ZFHX4: variants seen among roughly 807,000 people sequenced by gnomAD.
ZFHX4 encodes zinc finger homeobox protein 4.
Under a neutral mutation model 267.6 loss-of-function variants are expected in ZFHX4, and 56 were observed. That is an observed-to-expected ratio of 0.21 (90% CI 0.17 to 0.26). ZFHX4 has a LOEUF of 0.26. ZFHX4 is among the 10% of genes least tolerant of loss of function. The pLI is 1.00. For missense variants in ZFHX4, 4,332 were observed against 4,420.0 expected (o/e 0.98, Z 0.56); for synonymous variants, 1,778 against 1,665.6 (o/e 1.07, Z -1.64).
At chr8:76,795,649 C>T (rs1392406160) in intron 4 of ZFHX4, among the ~76,000 whole-genome samples, 1 of 150,416 alleles carries the variant, frequency 6.6e-6, no homozygotes, top group African/African-American at 2.5e-5. Flanking sequence ...CAGGTTCAAG[C>T]AATTCTCCTG....
intron 4 of ZFHX4, among the ~76,000 whole-genome samples, chr8:76,828,533 C>A (rs7823994): frequency 0.019 from 2,961 of 152,280 alleles, 78 homozygotes; most frequent in African/African-American, 0.062. Context: ...AGGATACATG[C>A]CTAGCACCTA....
intron 6 of ZFHX4, among the ~76,000 whole-genome samples, chr8:76,843,759 G>A (rs552316193): frequency 6.6e-6 from 1 of 152,240 alleles, no homozygotes; most frequent in East Asian, 1.9e-4. Context: ...TATTCACTAT[G>A]AAGACATTGG....
intron 3 of ZFHX4, among the ~76,000 whole-genome samples, chr8:76,750,195 G>T (rs1308530128): frequency 1.3e-5 from 2 of 152,088 alleles, no homozygotes; most frequent in Non-Finnish European, 2.9e-5. Context: ...AGCTTTCCCT[G>T]AGGATGTCTC....
chr8:76,806,861 G>C (rs1274970766), intron 4 of ZFHX4, among the ~76,000 whole-genome samples: 1 of 152,032 alleles, frequency 6.6e-6, no homozygotes, highest in South Asian at 2.1e-4. Flanking sequence ...TGATAAGGAA[G>C]TGTTAAATTA....
intron 5 of ZFHX4, among the ~76,000 whole-genome samples, chr8:76,838,717 A>G (rs1436854660): frequency 6.6e-6 from 1 of 152,160 alleles, no homozygotes; most frequent in Non-Finnish European, 1.5e-5. Flanking sequence ...CTTTCGTAGC[A>G]GACTTAGAGG....
At chr8:76,753,290 A>T (rs1321601396) in intron 3 of ZFHX4, among the ~76,000 whole-genome samples, 3 of 152,182 alleles carry the variant, frequency 2.0e-5, no homozygotes, top group Non-Finnish European at 2.9e-5. Context: ...ATGACACAAG[A>T]TGTTGCCTGT....
intron 4 of ZFHX4, among the ~76,000 whole-genome samples, chr8:76,824,781 C>A (rs541745213): frequency 6.6e-6 from 1 of 152,030 alleles, no homozygotes; most frequent in African/African-American, 2.4e-5. Flanking sequence ...CCTTTGTTGC[C>A]AGGCTGCTCT....
Position 76,849,725 on chromosome 8 carries a change from A to G in ZFHX4, c.3846+13A>G. 1 of 1,605,456 alleles carries G rather than the reference A, an allele frequency of 6.2e-7. No individual in the cohort carries two copies. ...GCTGCTTATGACAGTAAGGATACCA[A>G]ATATTGATGCATGTGTGACATAATC... On this transcript the variant is annotated intron_variant, in intron 8 of 10. Coordinates refer to ENST00000651372, the MANE Select transcript of ZFHX4 (RefSeq NM_024721.5).
rs368939586 is a variant in ZFHX4, at chr8:76,853,846, A to G, written c.6925A>G (p.Asn2309Asp). 1.4e-5 allele frequency: 22 copies of G among 1,613,842 alleles called. No individual in the cohort carries two copies. The highest frequency in any genetic ancestry group is 1.8e-5 in the Non-Finnish European group (21 of 1,179,888). Reference protein sequence around the residue: ...LTNERYIRTSNMQYQCKKCNV... With the variant: ...LTNERYIRTSDMQYQCKKCNV... ...TAATGAACGGTACATTCGAACAAGCAACATGCAGTACCAGTGTAAAAAGTG... is the reference window on the plus strand; with the variant it reads ...TAATGAACGGTACATTCGAACAAGCGACATGCAGTACCAGTGTAAAAAGTG... The change falls in exon 10 of 11, where the codon AAC (asparagine) becomes GAC (aspartate). Residue 2309 changes from asparagine to aspartate, a missense_variant. Physicochemically the swap from Asn to Asp is conservative, Grantham distance 23. Around this residue, in one of 7 missense-constraint regions of ZFHX4, gnomAD observed 1,648 missense variants for 1,625.0 expected, o/e 1.01. Transcript: ENST00000651372.
chr8:76,850,900 G>T lies in ZFHX4; in HGVS notation c.3979G>T (p.Asp1327Tyr), dbSNP rs1410226777. The change falls in exon 10 of 11, where the codon GAT becomes TAT. Residue 1327 changes from aspartate (D) to tyrosine (Y), a missense_variant. By Grantham distance (160) the Asp-to-Tyr change is radical. Coordinates refer to ENST00000651372, the MANE Select transcript of ZFHX4 (RefSeq NM_024721.5). The part of the protein sequence containing the change: ...SGKYSGESPM[D>Y]DKSMAGLEDS... ...TTTCCTAATAGGTGAAAGTCCAATG[G>T]ATGACAAAAGCATGGCAGGTCTCGA... is the stretch of plus-strand genomic sequence containing the variant. The T allele has an allele frequency of 6.2e-7, 1 of 1,605,872 alleles. No homozygotes were observed. The highest frequency in any genetic ancestry group is 2.2e-5 in the East Asian group (1 of 44,700).
chr8:76,713,921 C>T (rs866360483), intron 3 of ZFHX4, among the ~76,000 whole-genome samples: 51 of 151,952 alleles, frequency 3.4e-4, no homozygotes, highest in African/African-American at 1.1e-3. Context: ...CCACCACCAC[C>T]GCCACGTACC....
chr8:76,762,879 G>C (rs1040881390), intron 3 of ZFHX4, among the ~76,000 whole-genome samples: 19 of 152,140 alleles, frequency 1.2e-4, no homozygotes, highest in African/African-American at 4.6e-4. Flanking sequence ...ATAAGGTCTT[G>C]ATAATAATGA....
At position 76,864,080 on chromosome 8, in the gene ZFHX4, A is replaced by T. The variant is rs1285288344; in HGVS notation, c.10366A>T (p.Ile3456Phe). ...TCAGTGTCTTGCCTGTGATGTGGCT[A>T]TCAGTGGGAATGAAGCACTTAGCCA... ...KYQCLACDVA[I>F]SGNEALSQHL... The change falls in exon 11 of 11, where the codon ATC (isoleucine) becomes TTC (phenylalanine). Residue 3456 changes from isoleucine to phenylalanine, a missense_variant. Around this residue, in one of 7 missense-constraint regions of ZFHX4, gnomAD observed 1,648 missense variants for 1,625.0 expected, o/e 1.01. Transcript: ENST00000651372. 6.2e-7 allele frequency: 1 copy of T among 1,613,858 alleles called. No individual in the cohort carries two copies. The highest frequency in any genetic ancestry group is 1.1e-5 in the South Asian group (1 of 91,076).
At chr8:76,832,818 A>T (rs1040394894) in intron 4 of ZFHX4, among the ~76,000 whole-genome samples, 2 of 152,182 alleles carry the variant, frequency 1.3e-5, no homozygotes, top group African/African-American at 4.8e-5. Context: ...TCTAAAGCTC[A>T]AATGAAAGAT....
chr8:76,812,348 C>T (rs1357027542), intron 4 of ZFHX4, among the ~76,000 whole-genome samples: 1 of 152,108 alleles, frequency 6.6e-6, no homozygotes, highest in Non-Finnish European at 1.5e-5. Context: ...GCTTGTGATA[C>T]CTGGGGTGAA....
rs551678593 is a variant in ZFHX4 at position 76,706,354 on chromosome 8, C to A, written c.2266C>A (p.Pro756Thr). The A allele has an allele frequency of 6.2e-7, 1 of 1,614,022 alleles. No homozygotes were observed. Among genetic ancestry groups the A allele is most frequent in the Non-Finnish European group, 8.5e-7 (1 of 1,179,928 alleles). The change falls in exon 2 of 11, where the codon CCC (proline) becomes ACC (threonine). Residue 756 changes from proline (P) to threonine (T), a missense_variant. This residue lies in a region of ZFHX4 where 1,195 missense variants were observed against 1,173.6 expected (regional missense o/e 1.02). Coordinates refer to ENST00000651372, the MANE Select transcript of ZFHX4 (RefSeq NM_024721.5). Reference sequence around the variant, plus strand: ...CACCAGCCTCAGTGGCTGCGGAACACCCTCTCCGTCCAAACCCAAACAGAA... The same window carrying A: ...CACCAGCCTCAGTGGCTGCGGAACAACCTCTCCGTCCAAACCCAAACAGAA... ...PNTSLSGCGT[P>T]SPSKPKQKPT...
intron 3 of ZFHX4, among the ~76,000 whole-genome samples, chr8:76,768,957 G>T (rs966254194): frequency 2.6e-5 from 4 of 152,158 alleles, no homozygotes; most frequent in African/African-American, 9.7e-5. Context: ...GTTGAGCTAG[G>T]TGTGGTGGTG....
intron 3 of ZFHX4, among the ~76,000 whole-genome samples, chr8:76,739,178 G>T (rs186883192): frequency 3.4e-4 from 52 of 152,224 alleles, no homozygotes; most frequent in African/African-American, 1.2e-3. Flanking sequence ...ACAGGGTTAG[G>T]ATACTTAGAA....
chr8:76,774,218 G>A (rs570068048), intron 3 of ZFHX4, among the ~76,000 whole-genome samples: 2 of 152,086 alleles, frequency 1.3e-5, no homozygotes, highest in Non-Finnish European at 2.9e-5. Context: ...GTGGTAAGAC[G>A]TTTGTGATTG....
Sources: allele counts gnomAD v4.1 joint callset (sites outside exome capture counted in the v4.1 genomes callset), GRCh38; gene constraint gnomAD v4.1.1; regional missense constraint gnomAD v4.1.1; transcripts MANE v1.5; gene names NCBI Gene and HGNC (gene_info 2026-07-23, HGNC 2026-07-21).